The following TFDP1 variants were observed in gnomAD, a reference collection of about 807,000 sequenced individuals.
TFDP1 encodes transcription factor Dp-1, also known as DRTF1-polypeptide 1.
TFDP1 carries 6 observed loss-of-function variants against 48.0 expected under a neutral mutation model. That is an observed-to-expected ratio of 0.13 (90% CI 0.07 to 0.25). The LOEUF (loss-of-function observed/expected upper bound fraction) is 0.25, where lower values mean the gene tolerates loss of function less well. Among genes scored for constraint, TFDP1 ranks in the 10% least tolerant of loss-of-function variants. The probability of loss-of-function intolerance (pLI) is 1.00; values close to 1 mark genes in which losing one functional copy is unlikely to be tolerated. For synonymous variants in TFDP1, 201 were observed against 211.6 expected (o/e 0.95, Z 0.44); for missense variants, 335 against 543.0 (o/e 0.62, Z 3.81).
intron 2 of TFDP1, among the ~76,000 whole-genome samples, chr13:113,590,690 ACT>A (rs1326533137): frequency 6.6e-6 from 1 of 151,968 alleles, no homozygotes; most frequent in Non-Finnish European, 1.5e-5. Flanking sequence ...GGTTAGAGAA[ACT>A]CTGAAGGGAT....
intron 1 of TFDP1, chr13:113,585,444 C>G (rs552863746): frequency 6.0e-6 from 1 of 165,294 alleles, no homozygotes; most frequent in African/African-American, 2.4e-5. Context: ...GGTGGGGCAC[C>G]CCCCTGCAGC....
At chr13:113,637,482 T>G in intron 10 of TFDP1, 1 of 902,642 alleles carries the variant, frequency 1.1e-6, no homozygotes, top group Non-Finnish European at 1.5e-6. Flanking sequence ...GGATGGGCTG[T>G]GGGAAGAGGG....
intron 8 of TFDP1, among the ~76,000 whole-genome samples, chr13:113,635,751 C>T (rs1239581597): frequency 6.6e-6 from 1 of 152,204 alleles, no homozygotes; most frequent in African/African-American, 2.4e-5. Flanking sequence ...GCACGGATGG[C>T]TGTGCGCCCG....
intron 2 of TFDP1, among the ~76,000 whole-genome samples, chr13:113,606,459 G>A (rs2048573945): frequency 2.0e-5 from 3 of 152,102 alleles, no homozygotes; most frequent in African/African-American, 4.8e-5. Context: ...TGGTGGAAGG[G>A]CCAGGGAGCC....
At chr13:113,590,138 C>G (rs943098264) in intron 2 of TFDP1, among the ~76,000 whole-genome samples, 4 of 152,226 alleles carry the variant, frequency 2.6e-5, no homozygotes, top group African/African-American at 9.6e-5. Flanking sequence ...TGTGCGGGCA[C>G]TTGGACCTGG....
intron 2 of TFDP1, among the ~76,000 whole-genome samples, chr13:113,596,023 A>G (rs1258748318): frequency 6.6e-6 from 1 of 152,208 alleles, no homozygotes; most frequent in African/African-American, 2.4e-5. Flanking sequence ...CGGAGCTTGC[A>G]GTGAGCCAAG....
intron 2 of TFDP1, among the ~76,000 whole-genome samples, chr13:113,600,690 G>A (rs1005459686): frequency 8.1e-6 from 1 of 123,584 alleles, no homozygotes; most frequent in African/African-American, 3.1e-5. Flanking sequence ...AACTCAGGAT[G>A]GTGAGAGAGA....
rs377485191 is a variant in TFDP1, at chr13:113,625,721, T to C, written c.186+2435T>C. ...GTCTCTCAGGCGTCTCTCACATGTCTTCAGGCGTCTCTCACGTGTCCTCAG... is the reference window on the plus strand; with the variant it reads ...GTCTCTCAGGCGTCTCTCACATGTCCTCAGGCGTCTCTCACGTGTCCTCAG... On this transcript the variant is annotated intron_variant, in intron 4 of 11. Coordinates refer to ENST00000375370, the MANE Select transcript of TFDP1 (RefSeq NM_007111.5). Among the ~76,000 whole-genome samples, 104 of 24,112 alleles carry C rather than the reference T, an allele frequency of 4.3e-3. 6 individuals are homozygous for C. The highest frequency in any genetic ancestry group is 0.02 in the African/African-American group (86 of 4,210). 15.8% of individuals were successfully genotyped at this position (24,112 alleles called of 152,430 possible).
intron 5 of TFDP1, among the ~76,000 whole-genome samples, chr13:113,632,734 C>T (rs934044872): frequency 1.3e-4 from 20 of 152,154 alleles, no homozygotes; most frequent in African/African-American, 4.1e-4. Flanking sequence ...GCCGAGATGG[C>T]GCCACCGCAC....
At chr13:113,637,309 T>TCTCG in intron 10 of TFDP1, 1 of 295,082 alleles carries the variant, frequency 3.4e-6, no homozygotes, top group Non-Finnish European at 6.6e-6. Context: ...GGGGTGTAGA[T>TCTCG]TTATTCCCTG....
rs146171767 is a variant in TFDP1 at position 113,604,871 on chromosome 13, T to C, written c.13-6125T>C. Among the ~76,000 whole-genome samples, 154 of 152,296 alleles carry C rather than the reference T, an allele frequency of 1.0e-3. 1 individual carries two copies. The highest frequency in any genetic ancestry group is 3.5e-3 in the African/African-American group (145 of 41,574). On this transcript the variant is annotated intron_variant, in intron 2 of 11. Coordinates refer to ENST00000375370, the MANE Select transcript of TFDP1 (RefSeq NM_007111.5). The stretch of plus-strand genomic sequence containing the variant: ...GAATGGAGGCTGAGGGTCTGCACGT[T>C]TACTGCTGTGTGCAGGCCCCGTCCC...
intron 4 of TFDP1, among the ~76,000 whole-genome samples, chr13:113,629,043 G>C (rs542004094): frequency 6.6e-6 from 1 of 152,368 alleles, no homozygotes; most frequent in South Asian, 2.1e-4. Flanking sequence ...GTTCCTGGGA[G>C]GGCTGGCTCC....
chr13:113,636,591 G>A lies in TFDP1; in HGVS notation c.897G>A (p.Val299=), dbSNP rs137909568. Residue 299 remains valine, a synonymous_variant, in exon 10 of 12, where the codon GTG becomes GTA. Coordinates refer to ENST00000375370, the MANE Select transcript of TFDP1 (RefSeq NM_007111.5). ...NTFEIHDDIE[V]LKRMGMACGL... is the part of the protein sequence containing the mutation. Reference sequence around the variant, plus strand: ...TTGAAATCCACGATGACATAGAAGTGCTGAAGCGGATGGGCATGGCTTGCG... The same window carrying A: ...TTGAAATCCACGATGACATAGAAGTACTGAAGCGGATGGGCATGGCTTGCG... 3.1e-6 allele frequency: 5 copies of A among 1,614,116 alleles called. No individual in the cohort carries two copies. In the African/African-American group the frequency reaches 4.0e-5, roughly 13 times the overall value.
At chr13:113,620,149 C>T (rs913718026) in intron 3 of TFDP1, among the ~76,000 whole-genome samples, 2 of 152,188 alleles carry the variant, frequency 1.3e-5, no homozygotes, top group East Asian at 1.9e-4. Context: ...GCAGGCCAGC[C>T]GGCCGGCCTG....
intron 11 of TFDP1, among the ~76,000 whole-genome samples, chr13:113,638,630 A>G (rs556714006): frequency 1.3e-5 from 2 of 152,372 alleles, no homozygotes; most frequent in African/African-American, 4.8e-5. Context: ...ATTTTATTGT[A>G]TGAATATATA....
At chr13:113,636,785 T>C in intron 10 of TFDP1, 85 bp downstream of exon 10, 1 of 1,466,978 alleles carries the variant, frequency 6.8e-7, no homozygotes, top group Non-Finnish European at 9.1e-7. Flanking sequence ...CGGCTCGGGA[T>C]GTGTCTTGCT....
chr13:113,635,889 A>C, intron 8 of TFDP1, 88 bp from the exon 9 acceptor site: 1 of 1,457,578 alleles, frequency 6.9e-7, no homozygotes, highest in Non-Finnish European at 9.3e-7. Context: ...TGTCACGTGG[A>C]CGCAGGGAGG....
chr13:113,595,103 G>A (rs947212154), intron 2 of TFDP1, among the ~76,000 whole-genome samples: 4 of 152,120 alleles, frequency 2.6e-5, no homozygotes, highest in African/African-American at 9.7e-5. Flanking sequence ...GCAGCTGTAT[G>A]TTTTTGGTAC....
intron 3 of TFDP1, among the ~76,000 whole-genome samples, chr13:113,612,152 C>T (rs561921067): frequency 1.4e-4 from 22 of 152,350 alleles, no homozygotes; most frequent in African/African-American, 3.8e-4. Context: ...CCTTGCCACC[C>T]GTCCCTTTCT....
Sources: allele counts gnomAD v4.1 joint callset (sites outside exome capture counted in the v4.1 genomes callset), GRCh38; gene constraint gnomAD v4.1.1; transcripts MANE v1.5; gene names NCBI Gene and HGNC (gene_info 2026-07-23, HGNC 2026-07-21).